Variants in TAF8 observed in about 807,000 individuals in gnomAD.
TAF8 encodes the protein transcription initiation factor TFIID subunit 8.
Under a neutral mutation model 36.5 loss-of-function variants are expected in TAF8, and 47 were observed. That is an observed-to-expected ratio of 1.29 (90% confidence interval 1.02 to 1.64). The LOEUF is 1.64. Ranked by LOEUF, TAF8 falls within the 40% of genes most tolerant of loss-of-function variation. The probability of loss-of-function intolerance (pLI) is 0.00; values close to 1 mark genes in which losing one functional copy is unlikely to be tolerated. For missense variants in TAF8, 420 were observed against 407.6 expected, an observed-to-expected ratio of 1.03 and a Z score of -0.26; for synonymous variants, 175 against 159.5, an observed-to-expected ratio of 1.10 and a Z score of -0.73.
At chr6:42,069,485 G>A (rs1187864376) in intron 7 of TAF8, among the ~76,000 whole-genome samples, 2 of 152,210 alleles carry the variant, frequency 1.3e-5, no homozygotes, top group East Asian at 1.9e-4. Context: ...GAGTAGATAT[G>A]AGAGTTAAAG....
chr6:42,070,977 T>C (rs1765547306), intron 7 of TAF8, among the ~76,000 whole-genome samples: 1 of 152,160 alleles, frequency 6.6e-6, no homozygotes, highest in South Asian at 2.1e-4. Flanking sequence ...GGGTATACTT[T>C]CTTTTCTGCT....
chr6:42,079,243 G>T lies in TAF8; in HGVS notation c.*1698G>T. ...CTGAGAAACGGCTGGTCAGCTGGAAGGCTGGTGGATGGGCAGGAGTGAGCC... is the reference window on the plus strand; with the variant it reads ...CTGAGAAACGGCTGGTCAGCTGGAATGCTGGTGGATGGGCAGGAGTGAGCC... On this transcript the variant is annotated 3_prime_UTR_variant, in exon 9 of 9. Transcript: ENST00000372977. 8.1e-6 allele frequency: 8 copies of T among 985,616 alleles called. No individual in the cohort carries two copies. Among genetic ancestry groups the T allele is most frequent in the Non-Finnish European group, 9.6e-6 (8 of 830,012 alleles). 61.1% of individuals were successfully genotyped at this position (985,616 alleles called of 1,614,324 possible). A position where few individuals can be genotyped will look rare whatever the true frequency, so the allele number is the denominator to read the frequency against.
chr6:42,055,121 G>A (rs1163363188), intron 2 of TAF8, among the ~76,000 whole-genome samples: 3 of 151,774 alleles, frequency 2.0e-5, no homozygotes, highest in Non-Finnish European at 2.9e-5. Context: ...AAGGGGTTTC[G>A]CCATGTTGGT....
intron 6 of TAF8, 107 bp from the exon 7 acceptor site, chr6:42,068,358 T>G: frequency 8.1e-7 from 1 of 1,240,082 alleles, no homozygotes; most frequent in Non-Finnish European, 1.2e-6. Context: ...AGTTAGCTAG[T>G]ATTATCTTCT....
intron 7 of TAF8, chr6:42,071,515 G>A (rs2493836): frequency 0.078 from 12,560 of 160,186 alleles, 601 homozygotes; most frequent in Middle Eastern, 0.12. Flanking sequence ...TAGTAGAGAC[G>A]GGGTTTCACC....
Position 42,077,801 on chromosome 6 carries a change from G to A in TAF8, c.*256G>A, listed in dbSNP as rs1765805631. On this transcript the variant is annotated 3_prime_UTR_variant, in exon 9 of 9. Coordinates refer to ENST00000372977, the MANE Select transcript of TAF8 (RefSeq NM_138572.3). ...GATGGAGTCTTACTCTATCACCCAG[G>A]CTGGAATGCAGTGGTGTGATCTCAG... 4 of 1,285,754 alleles carry A rather than the reference G, an allele frequency of 3.1e-6. No homozygotes were observed. The highest frequency in any genetic ancestry group is 4.0e-6 in the Non-Finnish European group (4 of 994,790). The allele number at this position is 1,285,754 out of a possible 1,614,324, so 79.6% of individuals were successfully genotyped here. A position where few individuals can be genotyped will look rare whatever the true frequency, so the allele number is the denominator to read the frequency against.
In TAF8 at chr6:42,066,326, C is replaced by T. The variant is rs201864781; in HGVS notation, c.504C>T (p.Pro168=). 1.3e-5 allele frequency: 21 copies of T among 1,613,994 alleles called. No homozygotes were observed. Among genetic ancestry groups the T allele is most frequent in the African/African-American group, 4.0e-5 (3 of 75,060 alleles). Residue 168 remains proline (P), a synonymous_variant, in exon 6 of 9, where the codon CCC becomes CCT. Transcript: ENST00000372977. ...TYIKTPTYRE[P]VSDYQVLREK... The stretch of plus-strand genomic sequence containing the variant: ...TCTCTTCGTAGACGTACCGTGAGCC[C>T]GTGTCAGACTACCAGGTCCTGCGGG...
chr6:42,064,362 C>T lies in TAF8; in HGVS notation c.490-1950C>T, dbSNP rs142375806. Among the ~76,000 whole-genome samples, 64 of 152,138 alleles carry T rather than the reference C, an allele frequency of 4.2e-4. No homozygotes were observed. In the East Asian group the frequency reaches 9.7e-3, roughly 23 times the overall value. ...CTGTCTCCCAGGTTCAAGCGATTCT[C>T]ATGTCTCAGCCTCCCCCAAGTAGTT... On this transcript the variant is annotated intron_variant, in intron 5 of 8. Coordinates refer to ENST00000372977, the MANE Select transcript of TAF8 (RefSeq NM_138572.3).
intron 4 of TAF8, chr6:42,056,250 C>T: frequency 2.4e-6 from 1 of 417,786 alleles, no homozygotes; most frequent in East Asian, 4.7e-5. Context: ...GTGTTCTAGC[C>T]CCAGAAGGGC....
In TAF8 at chr6:42,081,220, G is replaced by A. The variant is rs60921178; in HGVS notation, c.*3675G>A. 5.9e-5 allele frequency: 9 copies of A among 152,764 alleles called. No homozygotes were observed. The highest frequency in any genetic ancestry group is 3.3e-4 in the Admixed American group (5 of 15,212). The allele number at this position is 152,764 out of a possible 1,614,324, so 9.5% of individuals were successfully genotyped here. Reference sequence around the variant, plus strand: ...GTGTGTGCGTGTGAGACAGAGTTTCGCGCTGGAGTGCAATGGTGCAATCTT... The same window carrying A: ...GTGTGTGCGTGTGAGACAGAGTTTCACGCTGGAGTGCAATGGTGCAATCTT... On this transcript the variant is annotated 3_prime_UTR_variant, in exon 9 of 9. Transcript: ENST00000372977.
In TAF8 at chr6:42,080,564, C is replaced by T. The variant is rs551939775; in HGVS notation, c.*3019C>T. ...ATTTTTTTTGTATTTTTGGTAGAGA[C>T]GGGGTTTCACCAGGTTGGCCAGGGT... On this transcript the variant is annotated 3_prime_UTR_variant, in exon 9 of 9. Coordinates refer to ENST00000372977, the MANE Select transcript of TAF8 (RefSeq NM_138572.3). The T allele has an allele frequency of 2.7e-4, 137 of 506,030 alleles. 1 individual carries two copies. The Middle Eastern group carries it at 0.012, about 45-fold the overall frequency. 31.3% of individuals were successfully genotyped at this position (506,030 alleles called of 1,614,324 possible). A position where few individuals can be genotyped will look rare whatever the true frequency, so the allele number is the denominator to read the frequency against.
intron 7 of TAF8, among the ~76,000 whole-genome samples, chr6:42,076,661 A>G (rs1765757540): frequency 6.6e-6 from 1 of 152,182 alleles, no homozygotes; most frequent in Admixed American, 6.5e-5. Context: ...GACTTAGTCT[A>G]TCTAGCTTGG....
chr6:42,086,662 C>T, downstream of TAF8: 1 of 1,542,246 alleles, frequency 6.5e-7, no homozygotes, highest in Non-Finnish European at 8.8e-7. Context: ...CCACCACCCT[C>T]TCCTGACAAT....
At chr6:42,055,907 A>G (rs377094860) in intron 3 of TAF8, 45 bp from the exon 4 acceptor site, 65 of 1,260,848 alleles carry the variant, frequency 5.2e-5, no homozygotes, top group Non-Finnish European at 6.5e-5. Flanking sequence ...TCTGTATTCA[A>G]TATCCAGTGG....
At chr6:42,051,294 C>A in intron 1 of TAF8, 63 bp from the exon 2 acceptor site, 1 of 1,422,912 alleles carries the variant, frequency 7.0e-7, no homozygotes. Context: ...TGCCGTTGAC[C>A]ACGTATGAAC....
intron 2 of TAF8, among the ~76,000 whole-genome samples, chr6:42,052,571 C>T (rs1007497514): frequency 2.6e-5 from 4 of 152,198 alleles, no homozygotes; most frequent in Non-Finnish European, 5.9e-5. Context: ...ATCCACCCAC[C>T]TTGGCCTCTC....
rs990793666 is a variant in TAF8, at chr6:42,079,539, T to C, written c.*1994T>C. 2 of 985,208 alleles carry C rather than the reference T, an allele frequency of 2.0e-6. No homozygotes were observed. The highest frequency in any genetic ancestry group is 3.5e-5 in the African/African-American group (2 of 57,204). The allele number at this position is 985,208 out of a possible 1,614,324, so 61.0% of individuals were successfully genotyped here. A position where few individuals can be genotyped will look rare whatever the true frequency, so the allele number is the denominator to read the frequency against. ...ATCCTAACGTCCATATTTAGCTTCATGTATTCCCCTTTGGCTTCCACAGTT... is the reference window on the plus strand; with the variant it reads ...ATCCTAACGTCCATATTTAGCTTCACGTATTCCCCTTTGGCTTCCACAGTT... On this transcript the variant is annotated 3_prime_UTR_variant, in exon 9 of 9. Transcript: ENST00000372977.
At chr6:42,054,551 A>G (rs1267947626) in intron 2 of TAF8, among the ~76,000 whole-genome samples, 1 of 152,140 alleles carries the variant, frequency 6.6e-6, no homozygotes, top group Non-Finnish European at 1.5e-5. Flanking sequence ...TCATATAAGT[A>G]GAATCTTTAT....
Position 42,055,966 on chromosome 6 carries a change from ACT to A in TAF8, c.320_321del (p.Leu107ProfsTer45), listed in dbSNP as rs765940564. 2 of 1,612,674 alleles carry A rather than the reference ACT, an allele frequency of 1.2e-6. No individual in the cohort carries two copies. The highest frequency in any genetic ancestry group is 3.3e-5 in the Admixed American group (2 of 59,994). ...CTGTCTCTTAGGTTTCAATGTGGAC[ACT>A]CTCCCTGCTTATGCAAAACGGTCTC... ...TLVEMGFNVDTLPAYAKRSQR... is the reference protein window; with the variant it reads ...TLVEMGFNVDXLPAYAKRSQR... On this transcript the variant is annotated frameshift_variant, in exon 4 of 9. Transcript: ENST00000372977. LOFTEE classifies it high-confidence loss of function.
Sources: gnomAD v4.1 joint callset for allele counts (sites outside exome capture counted in the v4.1 genomes callset) on GRCh38, gnomAD v4.1.1 for gene constraint, MANE v1.5 for transcripts, NCBI Gene and HGNC (gene_info 2026-07-23, HGNC 2026-07-21) for gene names.